CCDC39: variants seen among roughly 807,000 people sequenced by gnomAD.
CCDC39 encodes the protein coiled-coil domain-containing protein 39.
CCDC39 carries 113 observed loss-of-function variants against 121.0 expected under a neutral mutation model. The ratio of observed to expected loss-of-function variants is 0.93; its 90% CI spans 0.80 to 1.09. The LOEUF (loss-of-function observed/expected upper bound fraction) is 1.09. CCDC39 is among the 50% of genes least tolerant of loss of function. CCDC39 has a pLI of 0.00. For missense variants in CCDC39, 1,063 were observed against 1,074.7 expected, an observed-to-expected ratio of 0.99 and a Z score of 0.15; for synonymous variants, 349 against 352.2, an observed-to-expected ratio of 0.99 and a Z score of 0.10.
intron 1 of CCDC39, among the ~76,000 whole-genome samples, chr3:180,672,024 C>A (rs939404042): frequency 4.6e-5 from 7 of 152,166 alleles, no homozygotes; most frequent in Admixed American, 3.9e-4. Context: ...CCATCTATGA[C>A]TTTTATAGCT....
rs58408770 is a variant in CCDC39, at chr3:180,677,168, T to TTATATATATA, written c.90+2113_90+2122dup. Among the ~76,000 whole-genome samples, 249 of 35,126 alleles carry TTATATATATA rather than the reference T, an allele frequency of 7.1e-3. 14 individuals are homozygous for TTATATATATA. The highest frequency in any genetic ancestry group is 0.011 in the South Asian group (9 of 846). The allele number at this position is 35,126 out of a possible 152,430, so 23.0% of individuals were successfully genotyped here. ...TATAATAATAATAATAATAATAATT[T>TTATATATATA]TATATATATATATATATATATATAT... On this transcript the variant is annotated intron_variant, in intron 1 of 19. Transcript: ENST00000476379.
At position 180,616,350 on chromosome 3, in the gene CCDC39, A is replaced by G. The variant is rs1484244374; in HGVS notation, c.2600T>C (p.Leu867Pro). 9 of 1,612,296 alleles carry G rather than the reference A, an allele frequency of 5.6e-6. No individual in the cohort carries two copies. Among genetic ancestry groups the G allele is most frequent in the Non-Finnish European group, 6.8e-6 (8 of 1,178,770 alleles). ...QTYFQQSGLE[L>P]PTASTKGSRQ... is the part of the protein sequence containing the mutation. ...ACTGCCTTTTGTGCTAGCTGTAGGT[A>G]GTTCTAACCCACTCTGGAGGAATAT... Residue 867 changes from leucine to proline, a missense_variant, in exon 19 of 20, where the codon CTA (leucine) becomes CCA (proline). By Grantham distance (98) the Leu-to-Pro change is moderately conservative (BLOSUM62 -3). Coordinates refer to ENST00000476379, the MANE Select transcript of CCDC39 (RefSeq NM_181426.2).
intron 6 of CCDC39, among the ~76,000 whole-genome samples, chr3:180,658,120 T>A (rs1711629149): frequency 6.6e-6 from 1 of 151,726 alleles, no homozygotes; most frequent in Non-Finnish European, 1.5e-5. Context: ...GAGCCTGTAA[T>A]CCCAGCTACT....
intron 12 of CCDC39, 23 bp downstream of exon 12, chr3:180,644,097 A>G (rs1718018232): frequency 2.0e-6 from 3 of 1,509,896 alleles, no homozygotes; most frequent in African/African-American, 1.4e-5. Flanking sequence ...TCAATACTAC[A>G]TATGCATACA....
chr3:180,651,766 G>A (rs752777786), intron 8 of CCDC39, among the ~76,000 whole-genome samples: 9 of 152,062 alleles, frequency 5.9e-5, no homozygotes, highest in South Asian at 2.1e-4. Context: ...GGCCAGGCGC[G>A]GTGGCTCACG....
rs1431129577 is a variant in CCDC39, at chr3:180,619,248, G to A, written c.2265+11C>T. 7.3e-6 allele frequency: 10 copies of A among 1,377,070 alleles called. No homozygotes were observed. The highest frequency in any genetic ancestry group is 1.4e-5 in the African/African-American group (1 of 69,226). 85.3% of individuals were successfully genotyped at this position (1,377,070 alleles called of 1,614,324 possible). A position where few individuals can be genotyped will look rare whatever the true frequency, so the allele number is the denominator to read the frequency against. Reference sequence around the variant, plus strand: ...TGAAGGCATATTACTAAAAATGCCTGTAGAATTTACCTGGATGTCTTCTTG... The same window carrying A: ...TGAAGGCATATTACTAAAAATGCCTATAGAATTTACCTGGATGTCTTCTTG... On this transcript the variant is annotated intron_variant, in intron 16 of 19. Coordinates refer to ENST00000476379, the MANE Select transcript of CCDC39 (RefSeq NM_181426.2).
chr3:180,660,143 G>A (rs1711705969), intron 4 of CCDC39, among the ~76,000 whole-genome samples: 1 of 151,986 alleles, frequency 6.6e-6, no homozygotes, highest in Non-Finnish European at 1.5e-5. Flanking sequence ...GATTTTAAGT[G>A]ATTTTTATAA....
chr3:180,648,876 T>A (rs1718134935), intron 9 of CCDC39, among the ~76,000 whole-genome samples: 1 of 152,180 alleles, frequency 6.6e-6, no homozygotes, highest in Non-Finnish European at 1.5e-5. Flanking sequence ...ATGGCCAATT[T>A]CCTGCTACTA....
At chr3:180,637,983 T>C (rs1717871418) in intron 13 of CCDC39, among the ~76,000 whole-genome samples, 1 of 152,016 alleles carries the variant, frequency 6.6e-6, no homozygotes, top group African/African-American at 2.4e-5. Flanking sequence ...GGTACTAGGA[T>C]TAGTAGCTGG....
chr3:180,619,871 G>C lies in CCDC39; in HGVS notation c.2098C>G (p.Gln700Glu), dbSNP rs1717385748. Residue 700 changes from glutamine (Q) to glutamate (E), a missense_variant, in exon 15 of 20, where the codon CAA (glutamine) becomes GAA (glutamate). Physicochemically the swap from Gln to Glu is conservative, Grantham distance 29 (BLOSUM62 2). Coordinates refer to ENST00000476379, the MANE Select transcript of CCDC39 (RefSeq NM_181426.2). ...TTGTTGTTACAGCTGTTCAGCACTTGAAGGGTATTTTCTAGAGCGTAGATT... is the reference window on the plus strand; with the variant it reads ...TTGTTGTTACAGCTGTTCAGCACTTCAAGGGTATTTTCTAGAGCGTAGATT... ...KEIYALENTL[Q>E]VLNSCNNNYK... 1 of 1,609,572 alleles carries C rather than the reference G, an allele frequency of 6.2e-7. No individual in the cohort carries two copies. The highest frequency in any genetic ancestry group is 1.3e-5 in the African/African-American group (1 of 74,206).
At chr3:180,650,148 A>G (rs1012328890) in intron 9 of CCDC39, among the ~76,000 whole-genome samples, 5 of 152,160 alleles carry the variant, frequency 3.3e-5, no homozygotes, top group Non-Finnish European at 5.9e-5. Context: ...TATAGTTCAC[A>G]CTTATAGTTC....
intron 6 of CCDC39, among the ~76,000 whole-genome samples, chr3:180,655,421 T>C (rs1285320792): frequency 6.6e-6 from 1 of 151,338 alleles, no homozygotes; most frequent in Non-Finnish European, 1.5e-5. Context: ...ATAAATAGAA[T>C]ACACAAAACA....
At position 180,642,116 on chromosome 3, in the gene CCDC39, G is replaced by A; in HGVS notation, c.1751C>T (p.Ser584Phe). ...MLHSKAEEVL[S>F]LEKRKQQLYT... ...TAATTGCTGTTTTCTTTTTTCTAGG[G>A]AAAGAACTTCTTCTGCCTTACTGTG... The change falls in exon 13 of 20, where the codon TCC becomes TTC. Residue 584 changes from serine to phenylalanine, a missense_variant. Transcript: ENST00000476379. The A allele has an allele frequency of 6.2e-7, 1 of 1,612,484 alleles. No individual in the cohort carries two copies. Among genetic ancestry groups the A allele is most frequent in the Non-Finnish European group, 8.5e-7 (1 of 1,178,922 alleles).
chr3:180,652,393 T>G, intron 7 of CCDC39, 127 bp from the exon 8 acceptor site: 1 of 507,604 alleles, frequency 2.0e-6, no homozygotes, highest in Non-Finnish European at 3.4e-6. Context: ...TAGTAGCCAT[T>G]TTTTTATATT....
intron 10 of CCDC39, among the ~76,000 whole-genome samples, chr3:180,647,907 T>C (rs763446331): frequency 3.3e-5 from 5 of 152,072 alleles, no homozygotes; most frequent in Non-Finnish European, 7.4e-5. Context: ...GATGCAAATG[T>C]CTCAGGTTCC....
At chr3:180,649,854 T>A (rs1387964197) in intron 9 of CCDC39, among the ~76,000 whole-genome samples, 1 of 152,274 alleles carries the variant, frequency 6.6e-6, no homozygotes, top group Non-Finnish European at 1.5e-5. Flanking sequence ...AGGTTTCTGA[T>A]AAGTACTAAT....
At chr3:180,632,812 A>T (rs1207172461) in intron 13 of CCDC39, among the ~76,000 whole-genome samples, 3 of 152,178 alleles carry the variant, frequency 2.0e-5, no homozygotes, top group African/African-American at 4.8e-5. Flanking sequence ...CAAACTCAGA[A>T]ACAAGAAAAA....
chr3:180,660,010 T>C (rs137888555), intron 4 of CCDC39, among the ~76,000 whole-genome samples: 160 of 152,160 alleles, frequency 1.1e-3, no homozygotes, highest in Non-Finnish European at 1.9e-3. Flanking sequence ...TAAAGTAAAT[T>C]AGAAAAAAGA....
intron 11 of CCDC39, among the ~76,000 whole-genome samples, chr3:180,644,459 T>C (rs1367793260): frequency 6.6e-6 from 1 of 152,158 alleles, no homozygotes; most frequent in Non-Finnish European, 1.5e-5. Context: ...ATTTTTATCA[T>C]CAATTGATGT....
Sources: allele counts gnomAD v4.1 joint callset (sites outside exome capture counted in the v4.1 genomes callset), GRCh38; gene constraint gnomAD v4.1.1; transcripts MANE v1.5; gene names NCBI Gene and HGNC (gene_info 2026-07-23, HGNC 2026-07-21).